Variants in YBEY observed in about 807,000 individuals in gnomAD.
YBEY encodes endoribonuclease YbeY.
In YBEY, 15 loss-of-function variants were observed where a neutral mutation model predicts 13.5. The observed-to-expected ratio is 1.11, with a 90% CI of 0.75 to 1.72. The LOEUF (loss-of-function observed/expected upper bound fraction) is 1.72, where lower values mean the gene tolerates loss of function less well. Ranked by LOEUF, YBEY falls within the 40% of genes most tolerant of loss-of-function variation. YBEY has a pLI of 0.00. For synonymous variants in YBEY, 101 were observed against 83.1 expected (o/e 1.21, Z -1.17); for missense variants, 244 against 208.4 (o/e 1.17, Z -1.05).
downstream of YBEY, chr21:46,297,865 G>C: frequency 9.9e-7 from 1 of 1,005,602 alleles, no homozygotes; most frequent in Non-Finnish European, 1.3e-6. Flanking sequence ...ACCGCGCAGC[G>C]CTCGCCTCTC....
Position 46,286,862 on chromosome 21 carries a change from A to C in YBEY, c.-44-8A>C, listed in dbSNP as rs1601563118. ...ACTGATTGGTCTTCTCTTACACTTT[A>C]ACCCCAGGTTCCGTTGCAAACATTT... On this transcript the variant is annotated splice_polypyrimidine_tract_variant and splice_region_variant and intron_variant, in intron 1 of 4. Transcript: ENST00000397701. The C allele has an allele frequency of 1.9e-6, 3 of 1,576,756 alleles. No individual in the cohort carries two copies. In the East Asian group the frequency reaches 6.7e-5, roughly 35 times the overall value.
chr21:46,292,666 A>G, intron 3 of YBEY, among the ~76,000 whole-genome samples: 1 of 71,212 alleles, frequency 1.4e-5, no homozygotes, highest in African/African-American at 6.0e-5. Context: ...TCCCGCGGTT[A>G]GCCTGACCCG....
At chr21:46,305,393 G>A in the YBEY span, among the ~76,000 whole-genome samples, 1 of 141,854 alleles carries the variant, frequency 7.0e-6, no homozygotes, top group African/African-American at 2.7e-5. Flanking sequence ...GCCTTGGTGT[G>A]AACACAGCTC....
At chr21:46,295,563 T>C (rs1237309145) in intron 3 of YBEY, among the ~76,000 whole-genome samples, 1 of 151,428 alleles carries the variant, frequency 6.6e-6, no homozygotes, top group Non-Finnish European at 1.5e-5. Context: ...AATCCAGCCC[T>C]CTCTCCAGGG....
chr21:46,287,678 C>A (rs933873896), intron 2 of YBEY, among the ~76,000 whole-genome samples: 4 of 152,094 alleles, frequency 2.6e-5, no homozygotes, highest in African/African-American at 9.7e-5. Flanking sequence ...TACAATTACA[C>A]TGGTAACCCA....
downstream of YBEY, chr21:46,300,767 CG>C (rs1159549151): frequency 7.8e-7 from 1 of 1,289,040 alleles, no homozygotes; most frequent in Non-Finnish European, 1.0e-6. Flanking sequence ...CCTCCTTGTG[CG>C]GAACTTCAGG....
the YBEY span, among the ~76,000 whole-genome samples, chr21:46,310,596 G>T: frequency 6.6e-6 from 1 of 151,838 alleles, no homozygotes; most frequent in South Asian, 2.1e-4. Context: ...ATCACCTGAG[G>T]TTGGGAGTTC....
the YBEY span, among the ~76,000 whole-genome samples, chr21:46,310,141 G>A: frequency 6.6e-6 from 1 of 152,144 alleles, no homozygotes; most frequent in Non-Finnish European, 1.5e-5. Flanking sequence ...GATATGCTCA[G>A]TCTTGATTGT....
At chr21:46,297,407 G>C in intron 4 of YBEY, 132 bp from the exon 5 acceptor site, 1 of 846,422 alleles carries the variant, frequency 1.2e-6, no homozygotes, top group Non-Finnish European at 1.6e-6. Context: ...CCCGCCTTCG[G>C]CCTGAGCTAG....
intron 2 of YBEY, among the ~76,000 whole-genome samples, chr21:46,289,142 T>C (rs926108132): frequency 6.6e-6 from 1 of 152,200 alleles, no homozygotes; most frequent in African/African-American, 2.4e-5. Context: ...CTTTATAGTC[T>C]TTATGTGGAA....
chr21:46,305,955 AG>A, the YBEY span, among the ~76,000 whole-genome samples: 22 of 151,486 alleles, frequency 1.5e-4, no homozygotes, highest in Admixed American at 7.9e-4. Context: ...AAAAAAGAAA[AG>A]AATCTTGAGT....
At chr21:46,307,593 G>T in the YBEY span, among the ~76,000 whole-genome samples, 1 of 152,124 alleles carries the variant, frequency 6.6e-6, no homozygotes, top group African/African-American at 2.4e-5. Context: ...CCACTCCAGG[G>T]GCTCCTCATA....
intron 2 of YBEY, among the ~76,000 whole-genome samples, chr21:46,288,526 A>C (rs2081560038): frequency 1.3e-5 from 2 of 152,152 alleles, no homozygotes; most frequent in South Asian, 4.2e-4. Flanking sequence ...AAATACAAAA[A>C]AAGTTAGCTG....
At chr21:46,302,200 C>T (rs776777133), downstream of YBEY, 12 of 1,434,874 alleles carry the variant, frequency 8.4e-6, no homozygotes, top group African/African-American at 1.6e-4. Context: ...CAGGCTGCTC[C>T]CCACCTCCAC....
chr21:46,301,702 G>T (rs567375370), downstream of YBEY: 3 of 1,165,228 alleles, frequency 2.6e-6, no homozygotes, highest in Non-Finnish European at 3.2e-6. Flanking sequence ...TCCCAGGTGG[G>T]CCGGCGCCGC....
chr21:46,310,143 C>T, the YBEY span, among the ~76,000 whole-genome samples: 1 of 152,094 alleles, frequency 6.6e-6, no homozygotes, highest in Admixed American at 6.6e-5. Context: ...TATGCTCAGT[C>T]TTGATTGTAG....
chr21:46,291,032 A>AG (rs1389817931), intron 2 of YBEY, among the ~76,000 whole-genome samples: 7 of 150,626 alleles, frequency 4.6e-5, no homozygotes, highest in Admixed American at 2.6e-4. Flanking sequence ...AAAAAAAAAA[A>AG]AAAGAAATAC....
intron 3 of YBEY, among the ~76,000 whole-genome samples, chr21:46,294,332 G>A (rs377648710): frequency 0.01 from 373 of 36,570 alleles, no homozygotes; most frequent in East Asian, 0.033. Flanking sequence ...AGTCAGCCAC[G>A]CAAGTTAAAC....
the YBEY span, among the ~76,000 whole-genome samples, chr21:46,307,173 G>A: frequency 2.0e-5 from 3 of 152,140 alleles, no homozygotes; most frequent in Non-Finnish European, 4.4e-5. Flanking sequence ...TGGGATTACA[G>A]GTGTGAGCCG....
Sources: allele counts gnomAD v4.1 joint callset (sites outside exome capture counted in the v4.1 genomes callset), GRCh38; gene constraint gnomAD v4.1.1; transcripts MANE v1.5; gene names NCBI Gene and HGNC (gene_info 2026-07-23, HGNC 2026-07-21).